The following MAPK4 variants were observed in gnomAD, a reference collection of about 807,000 sequenced individuals.
MAPK4 encodes the protein Erk3-related.
MAPK4 carries 22 observed loss-of-function variants against 47.7 expected under a neutral mutation model. That is an observed-to-expected ratio of 0.46 (90% CI 0.33 to 0.66). The LOEUF (loss-of-function observed/expected upper bound fraction) is 0.66, where lower values mean the gene tolerates loss of function less well. Ranked by LOEUF, MAPK4 falls within the 30% of genes least tolerant of loss-of-function variation. The pLI, the probability that MAPK4 is intolerant of heterozygous loss-of-function variation, is 0.02. For synonymous variants in MAPK4, 390 were observed against 365.7 expected (o/e 1.07, Z -0.76); for missense variants, 736 against 831.7 (o/e 0.88, Z 1.42).
intron 1 of MAPK4, among the ~76,000 whole-genome samples, chr18:50,637,980 G>A (rs571767986): frequency 3.9e-5 from 6 of 152,234 alleles, no homozygotes; most frequent in South Asian, 2.1e-4. Flanking sequence ...GGGCTTCAGC[G>A]TATGAATTTG....
chr18:50,628,412 G>A lies in MAPK4; in HGVS notation c.-870-34677G>A, dbSNP rs569168709. On this transcript the variant is annotated intron_variant, in intron 1 of 5. Transcript: ENST00000400384. ...CCTGGGTTCCCTTGAAATCCTTGCA[G>A]GGTCCTGGAAGTTTCCATGGGACTT... 3.8e-4 allele frequency among the ~76,000 whole-genome samples: 58 copies of A among 152,302 alleles called. 1 individual carries two copies. In the South Asian group the frequency reaches 0.012, roughly 30 times the overall value.
At chr18:50,651,880 C>G (rs1298117055) in intron 1 of MAPK4, among the ~76,000 whole-genome samples, 2 of 152,246 alleles carry the variant, frequency 1.3e-5, no homozygotes, top group African/African-American at 4.8e-5. Context: ...GGTTTCACCT[C>G]TTCCCGTGTG....
At chr18:50,688,006 C>T (rs923135499) in intron 2 of MAPK4, among the ~76,000 whole-genome samples, 19 of 152,148 alleles carry the variant, frequency 1.2e-4, no homozygotes, top group African/African-American at 4.6e-4. Flanking sequence ...CCATTCCCTG[C>T]CCTCGGGGTC....
intron 2 of MAPK4, among the ~76,000 whole-genome samples, chr18:50,680,409 C>G (rs919106369): frequency 1.3e-5 from 2 of 152,106 alleles, no homozygotes; most frequent in African/African-American, 4.8e-5. Flanking sequence ...TTTTTAAAAA[C>G]AATGTTATTG....
chr18:50,610,960 T>C (rs931504651), intron 1 of MAPK4, among the ~76,000 whole-genome samples: 9 of 152,160 alleles, frequency 5.9e-5, no homozygotes, highest in African/African-American at 1.9e-4. Flanking sequence ...AACTACCAGA[T>C]TTGGACATGT....
chr18:50,667,378 G>A (rs1907663787), intron 2 of MAPK4, among the ~76,000 whole-genome samples: 1 of 152,180 alleles, frequency 6.6e-6, no homozygotes, highest in Admixed American at 6.5e-5. Context: ...TGCAGAAAGG[G>A]AGCTGTTGGG....
At chr18:50,578,276 C>A (rs4081996) in intron 1 of MAPK4, among the ~76,000 whole-genome samples, 2 of 152,046 alleles carry the variant, frequency 1.3e-5, no homozygotes, top group Non-Finnish European at 1.5e-5. Flanking sequence ...GAATCTGAGC[C>A]GCTTCTAATG....
At chr18:50,691,882 G>A (rs1396475277) in intron 2 of MAPK4, among the ~76,000 whole-genome samples, 1 of 151,950 alleles carries the variant, frequency 6.6e-6, no homozygotes, top group East Asian at 1.9e-4. Context: ...TAATCTCCCA[G>A]TCTCCCATCT....
At chr18:50,648,808 G>A (rs1018008650) in intron 1 of MAPK4, among the ~76,000 whole-genome samples, 6 of 152,114 alleles carry the variant, frequency 3.9e-5, no homozygotes, top group Admixed American at 1.3e-4. Flanking sequence ...CCCTACCCTC[G>A]CTATGCTTGC....
chr18:50,620,927 T>G (rs921405302), intron 1 of MAPK4, among the ~76,000 whole-genome samples: 18 of 152,224 alleles, frequency 1.2e-4, no homozygotes, highest in Non-Finnish European at 8.8e-5. Context: ...TATTTTATCT[T>G]ATTTTTACTT....
intron 1 of MAPK4, among the ~76,000 whole-genome samples, chr18:50,624,408 C>T (rs906991771): frequency 2.6e-5 from 4 of 152,290 alleles, no homozygotes; most frequent in South Asian, 2.1e-4. Context: ...GAAATCAACA[C>T]GTGGGCAGTG....
intron 1 of MAPK4, among the ~76,000 whole-genome samples, chr18:50,644,108 A>G (rs762762425): frequency 6.6e-6 from 1 of 152,102 alleles, no homozygotes; most frequent in Non-Finnish European, 1.5e-5. Context: ...CTTGAGTCCA[A>G]GAAGATTTGA....
chr18:50,707,466 G>A (rs866700027), intron 2 of MAPK4, among the ~76,000 whole-genome samples: 1 of 151,766 alleles, frequency 6.6e-6, no homozygotes, highest in African/African-American at 2.4e-5. Flanking sequence ...GTCACTCTGG[G>A]GGGTTAAAGC....
intron 2 of MAPK4, 145 bp from the exon 3 acceptor site, chr18:50,714,934 G>C (rs543532815): frequency 3.9e-6 from 3 of 776,554 alleles, no homozygotes; most frequent in Admixed American, 3.1e-5. Flanking sequence ...GTTCACTCAT[G>C]CTCCTTCAAG....
At chr18:50,561,726 G>A (rs1263939986) in intron 1 of MAPK4, among the ~76,000 whole-genome samples, 1 of 152,162 alleles carries the variant, frequency 6.6e-6, no homozygotes, top group Non-Finnish European at 1.5e-5. Context: ...TGTATGAAGG[G>A]CTAGTCTTCT....
intron 1 of MAPK4, among the ~76,000 whole-genome samples, chr18:50,593,423 C>T (rs1234592447): frequency 6.6e-6 from 1 of 152,214 alleles, no homozygotes; most frequent in Non-Finnish European, 1.5e-5. Context: ...TTACAGTCAG[C>T]CCTACCTGGG....
chr18:50,686,675 C>T (rs1030516791), intron 2 of MAPK4, among the ~76,000 whole-genome samples: 3 of 152,202 alleles, frequency 2.0e-5, no homozygotes, highest in African/African-American at 4.8e-5. Context: ...CCAGTGGACA[C>T]GTCTGCTATG....
Position 50,605,597 on chromosome 18 carries a change from G to A in MAPK4, c.-871+45354G>A, listed in dbSNP as rs941659051. On this transcript the variant is annotated intron_variant, in intron 1 of 5. Transcript: ENST00000400384. The stretch of plus-strand genomic sequence containing the variant: ...GTCACTTCTAACTGGGCAGTTTGCC[G>A]ATCTCCTTAGATATTCAGTTCAGGC... Among the ~76,000 whole-genome samples, 9 of 152,172 alleles carry A rather than the reference G, an allele frequency of 5.9e-5. No individual in the cohort carries two copies. In the South Asian group the frequency reaches 6.2e-4, roughly 11 times the overall value.
At chr18:50,595,229 A>G (rs2042471655) in intron 1 of MAPK4, among the ~76,000 whole-genome samples, 1 of 152,252 alleles carries the variant, frequency 6.6e-6, no homozygotes, top group Admixed American at 6.5e-5. Context: ...ACGTGTCCAT[A>G]AAATGACTCA....
Sources: allele counts gnomAD v4.1 joint callset (sites outside exome capture counted in the v4.1 genomes callset), GRCh38; gene constraint gnomAD v4.1.1; transcripts MANE v1.5; gene names NCBI Gene and HGNC (gene_info 2026-07-23, HGNC 2026-07-21).